Variants in FOXN4 observed in about 807,000 individuals in gnomAD.
The protein encoded by FOXN4 is forkhead box protein N4.
Under a neutral mutation model 45.0 loss-of-function variants are expected in FOXN4, and 12 were observed. The observed-to-expected ratio is 0.27, with a 90% confidence interval of 0.17 to 0.43. The LOEUF is 0.43. Among genes scored for constraint, FOXN4 ranks in the 20% least tolerant of loss-of-function variants. FOXN4 has a pLI of 1.00. For missense variants in FOXN4, 560 were observed against 694.9 expected (o/e 0.81, Z 2.18); for synonymous variants, 297 against 295.0 (o/e 1.01, Z -0.07).
intron 2 of FOXN4, among the ~76,000 whole-genome samples, chr12:109,304,295 G>GAAAGAAA (rs1555244325): frequency 0.024 from 947 of 40,042 alleles, 54 homozygotes; most frequent in African/African-American, 0.054. Context: ...AAGAAAGAAA[G>GAAAGAAA]GAGAAAGAAA....
At chr12:109,285,273 G>GCA in intron 8 of FOXN4, 31 bp downstream of exon 8, 1 of 1,489,282 alleles carries the variant, frequency 6.7e-7, no homozygotes. Context: ...GTGTGTGTGT[G>GCA]TGCGCGCACT....
intron 2 of FOXN4, among the ~76,000 whole-genome samples, chr12:109,293,151 C>T (rs1276819075): frequency 6.6e-6 from 1 of 152,214 alleles, no homozygotes; most frequent in Non-Finnish European, 1.5e-5. Context: ...CTTCTGGCCT[C>T]TTCACCCCAG....
chr12:109,279,994 C>T, intron 9 of FOXN4, 64 bp from the exon 10 acceptor site: 1 of 1,598,202 alleles, frequency 6.3e-7, no homozygotes, highest in Middle Eastern at 1.7e-4. Context: ...TTCGAATCCC[C>T]CATCTTAGGG....
intron 2 of FOXN4, among the ~76,000 whole-genome samples, chr12:109,297,189 C>T (rs1228195033): frequency 2.0e-5 from 3 of 152,356 alleles, no homozygotes; most frequent in South Asian, 2.1e-4. Context: ...TGTTACGAAC[C>T]GGGCTGCACA....
At position 109,281,505 on chromosome 12, in the gene FOXN4, G is replaced by A; in HGVS notation, c.1196C>T (p.Ala399Val). ...GAAGTCTACAGGAGCCCTTCCCATG[G>A]CGGGGTGGGGGAGCGGGCTGGGGCT... ...DLSPSPLPHP[A>V]MGRAPVDFIN... Residue 399 changes from alanine to valine, a missense_variant, in exon 9 of 10, where the codon GCC (alanine) becomes GTC (valine). Ala to Val is a moderately conservative substitution (Grantham distance 64). Coordinates refer to ENST00000299162, the MANE Select transcript of FOXN4 (RefSeq NM_213596.3). 7 of 1,614,002 alleles carry A rather than the reference G, an allele frequency of 4.3e-6. No individual in the cohort carries two copies. The highest frequency in any genetic ancestry group is 5.9e-6 in the Non-Finnish European group (7 of 1,179,888).
intron 7 of FOXN4, among the ~76,000 whole-genome samples, chr12:109,286,142 A>AC (rs1258506524): frequency 6.6e-6 from 1 of 152,026 alleles, no homozygotes; most frequent in African/African-American, 2.4e-5. Flanking sequence ...CAATCCAGGG[A>AC]CCCCACAGCT....
In FOXN4 at chr12:109,308,229, C is replaced by A; in HGVS notation, c.86+7G>T. On this transcript the variant is annotated splice_region_variant and intron_variant, in intron 2 of 9. Transcript: ENST00000299162. The stretch of plus-strand genomic sequence containing the variant: ...AATATATAGTTTGTTATTGTTGGAG[C>A]CCTCACCTGTATTCCTGTGGAGAGG... 6.5e-7 allele frequency: 1 copy of A among 1,544,938 alleles called. No homozygotes were observed. The highest frequency in any genetic ancestry group is 8.8e-7 in the Non-Finnish European group (1 of 1,142,472).
intron 9 of FOXN4, among the ~76,000 whole-genome samples, chr12:109,280,416 G>C (rs1053566989): frequency 1.3e-5 from 2 of 149,904 alleles, no homozygotes; most frequent in African/African-American, 4.9e-5. Context: ...CCTTCCCACT[G>C]AATGTCCTTG....
Position 109,279,829 on chromosome 12 carries a change from T to C in FOXN4, c.1396A>G (p.Thr466Ala). 3.1e-6 allele frequency: 5 copies of C among 1,613,438 alleles called. No homozygotes were observed. The highest frequency in any genetic ancestry group is 4.2e-6 in the Non-Finnish European group (5 of 1,179,664). ...TGGTCGCTGCCACCCGAGGCAGGGG[T>C]TAGGCCTGAGGCCCCCAGGTCACAG... ...LGCDLGASGL[T>A]PASGGSDQSF... The change falls in exon 10 of 10, where the codon ACC becomes GCC. Residue 466 changes from threonine to alanine, a missense_variant. Transcript: ENST00000299162.
Position 109,291,942 on chromosome 12 carries a change from G to A in FOXN4, c.87-1656C>T, listed in dbSNP as rs1411397364. 2.0e-5 allele frequency among the ~76,000 whole-genome samples: 3 copies of A among 148,614 alleles called. No homozygotes were observed. Among genetic ancestry groups the A allele is most frequent in the Non-Finnish European group, 4.4e-5 (3 of 67,788 alleles). ...CCCCCCGGCTGCCACCCCTCCGGCC[G>A]CCACCCCTCCGGCTGCCACCCCTCC... On this transcript the variant is annotated intron_variant, in intron 2 of 9. Coordinates refer to ENST00000299162, the MANE Select transcript of FOXN4 (RefSeq NM_213596.3). This position sits in a 1 kb window ranked among gnomAD's most constrained non-coding sequence, Gnocchi z 6.6.
chr12:109,303,650 C>T (rs1220141484), intron 2 of FOXN4, among the ~76,000 whole-genome samples: 1 of 152,180 alleles, frequency 6.6e-6, no homozygotes, highest in Non-Finnish European at 1.5e-5. Flanking sequence ...GACCACTGAG[C>T]CTTGTGGCCC....
Position 109,281,744 on chromosome 12 carries a change from T to C in FOXN4, c.957A>G (p.Lys319=). ...GCACGGGGGCCTCTGGTTCCCCCGG[T>C]TTGCCGGGGCGCCGGCAGCTTTCAG... is the stretch of plus-strand genomic sequence containing the variant. ...DRPESCRRPG[K]PGEPEAPVLT... is the part of the protein sequence containing the mutation. The change falls in exon 9 of 10, where the codon AAA becomes AAG. Residue 319 remains lysine, a synonymous_variant. Coordinates refer to ENST00000299162, the MANE Select transcript of FOXN4 (RefSeq NM_213596.3). 6.2e-7 allele frequency: 1 copy of C among 1,606,214 alleles called. No individual in the cohort carries two copies. Among genetic ancestry groups the C allele is most frequent in the South Asian group, 1.1e-5 (1 of 90,760 alleles).
Position 109,290,020 on chromosome 12 carries a change from A to C in FOXN4, c.232+121T>G. On this transcript the variant is annotated intron_variant, in intron 3 of 9. Transcript: ENST00000299162. This position sits in a 1 kb window ranked among gnomAD's most constrained non-coding sequence, Gnocchi z 5.1. ...ATTTGTCCCATTTTACAGATGCAGA[A>C]AGAGAGGCCCAGAGAGACTGGGAGA... The C allele has an allele frequency of 1.7e-6, 2 of 1,206,238 alleles. No individual in the cohort carries two copies. Among genetic ancestry groups the C allele is most frequent in the South Asian group, 1.9e-5 (1 of 53,390 alleles). 74.7% of individuals were successfully genotyped at this position (1,206,238 alleles called of 1,614,324 possible). A position where few individuals can be genotyped will look rare whatever the true frequency, so the allele number is the denominator to read the frequency against.
At chr12:109,289,766 CTG>C (rs1292425466) in intron 3 of FOXN4, among the ~76,000 whole-genome samples, 2 of 152,198 alleles carry the variant, frequency 1.3e-5, no homozygotes, top group Non-Finnish European at 2.9e-5. Flanking sequence ...CAGATGGTCT[CTG>C]TGTTTTTACA....
rs1415756031 is a variant in FOXN4, at chr12:109,279,479, G to A, written c.*192C>T. On this transcript the variant is annotated 3_prime_UTR_variant, in exon 10 of 10. Transcript: ENST00000299162. Reference sequence around the variant, plus strand: ...AGAGCCCCCAGAAACTGCTCCGGAAGCTCCAGGGGGAGGCACGAGAAGGAG... The same window carrying A: ...AGAGCCCCCAGAAACTGCTCCGGAAACTCCAGGGGGAGGCACGAGAAGGAG... 1 of 793,558 alleles carries A rather than the reference G, an allele frequency of 1.3e-6. No homozygotes were observed. Among genetic ancestry groups the A allele is most frequent in the Non-Finnish European group, 1.9e-6 (1 of 514,484 alleles). 49.2% of individuals were successfully genotyped at this position (793,558 alleles called of 1,614,324 possible).
intron 9 of FOXN4, among the ~76,000 whole-genome samples, chr12:109,280,704 CAG>C (rs2047644794): frequency 6.6e-6 from 1 of 152,180 alleles, no homozygotes; most frequent in Non-Finnish European, 1.5e-5. Flanking sequence ...TCGCTAGAGA[CAG>C]AACTCAGGGC....
At position 109,308,309 on chromosome 12, in the gene FOXN4, C is replaced by T. The variant is rs2136954200; in HGVS notation, c.13G>A (p.Asp5Asn). Reference protein sequence around the residue: MIESDTSSIMSGIIR... With the variant: MIESNTSSIMSGIIR... ...ATTCCTGACATTATGGATGAGGTGT[C>T]ACTTTCTATCATCTCCTTGGGAAAA... The change falls in exon 2 of 10, where the codon GAC becomes AAC. Residue 5 changes from aspartate to asparagine, a missense_variant. By Grantham distance (23) the Asp-to-Asn change is conservative (BLOSUM62 1). Coordinates refer to ENST00000299162, the MANE Select transcript of FOXN4 (RefSeq NM_213596.3). 6.4e-7 allele frequency: 1 copy of T among 1,551,538 alleles called. No individual in the cohort carries two copies. The highest frequency in any genetic ancestry group is 2.4e-5 in the East Asian group (1 of 40,902).
chr12:109,280,774 A>G (rs1450269038), intron 9 of FOXN4, among the ~76,000 whole-genome samples: 1 of 152,186 alleles, frequency 6.6e-6, no homozygotes, highest in Admixed American at 6.5e-5. Flanking sequence ...TAGTGAATGG[A>G]TGAAGTCTGA....
At chr12:109,305,086 G>C (rs903140604) in intron 2 of FOXN4, among the ~76,000 whole-genome samples, 1 of 152,154 alleles carries the variant, frequency 6.6e-6, no homozygotes, top group African/African-American at 2.4e-5. Context: ...CCGTGCTCAT[G>C]GCCAGTGGGA....
Sources: gnomAD v4.1 joint callset for allele counts (sites outside exome capture counted in the v4.1 genomes callset) on GRCh38, gnomAD v4.1.1 for gene constraint, Gnocchi (gnomAD v3.1) non-coding constraint, MANE v1.5 for transcripts, NCBI Gene and HGNC (gene_info 2026-07-23, HGNC 2026-07-21) for gene names.